Variants in ZFHX3 observed in about 807,000 individuals in gnomAD.
ZFHX3 encodes the protein zinc finger homeobox 3.
Under a neutral mutation model 279.1 loss-of-function variants are expected in ZFHX3, and 42 were observed. That is an observed-to-expected ratio of 0.15 (90% CI 0.12 to 0.19). The LOEUF (loss-of-function observed/expected upper bound fraction) is 0.19, where lower values mean the gene tolerates loss of function less well. Among genes scored for constraint, ZFHX3 ranks in the 10% least tolerant of loss-of-function variants. The pLI is 1.00. For missense variants in ZFHX3, 4,981 were observed against 4,754.0 expected (o/e 1.05, Z -1.40); for synonymous variants, 2,293 against 1,957.8 (o/e 1.17, Z -4.52).
intron 1 of ZFHX3, among the ~76,000 whole-genome samples, chr16:73,723,651 T>C (rs571052322): frequency 1.7e-3 from 259 of 152,366 alleles, no homozygotes; most frequent in African/African-American, 6.1e-3. Flanking sequence ...GTTTTTCTTG[T>C]ATTATTTTTG....
At chr16:73,493,235 T>A (rs1056046140) in intron 2 of ZFHX3, among the ~76,000 whole-genome samples, 2 of 152,264 alleles carry the variant, frequency 1.3e-5, no homozygotes, top group African/African-American at 4.8e-5. Context: ...CCTATCTGGT[T>A]CCCCTTTATC....
intron 1 of ZFHX3, among the ~76,000 whole-genome samples, chr16:73,727,080 G>A (rs1301859589): frequency 6.6e-6 from 1 of 152,202 alleles, no homozygotes; most frequent in Non-Finnish European, 1.5e-5. Flanking sequence ...AGGACTAGGG[G>A]CCTCCACAGG....
intron 3 of ZFHX3, among the ~76,000 whole-genome samples, chr16:72,915,900 A>G (rs1489941652): frequency 6.6e-6 from 1 of 152,258 alleles, no homozygotes; most frequent in African/African-American, 2.4e-5. Context: ...CGCCCATTCT[A>G]AGAATCACCC....
At chr16:73,573,523 C>G (rs111850239) in intron 2 of ZFHX3, among the ~76,000 whole-genome samples, 37 of 152,298 alleles carry the variant, frequency 2.4e-4, no homozygotes, top group African/African-American at 8.7e-4. Context: ...TGAAAGTGAT[C>G]AGTGATCTTA....
chr16:73,327,521 T>C (rs1364259607), intron 3 of ZFHX3, among the ~76,000 whole-genome samples: 5 of 152,250 alleles, frequency 3.3e-5, no homozygotes, highest in Admixed American at 6.5e-5. Flanking sequence ...CCTTCTCCTA[T>C]GATGCCCACT....
chr16:73,620,165 A>G (rs1010011236), intron 2 of ZFHX3, among the ~76,000 whole-genome samples: 1 of 152,224 alleles, frequency 6.6e-6, no homozygotes, highest in Non-Finnish European at 1.5e-5. Context: ...CAGAGCTACA[A>G]TTGCATTTGA....
chr16:73,240,187 G>A (rs534912334), intron 5 of ZFHX3, among the ~76,000 whole-genome samples: 1 of 152,022 alleles, frequency 6.6e-6, no homozygotes, highest in East Asian at 1.9e-4. Flanking sequence ...AGGACCACCA[G>A]ACGGTACTTT....
chr16:73,434,863 T>C (rs766078782), intron 3 of ZFHX3, among the ~76,000 whole-genome samples: 3 of 152,152 alleles, frequency 2.0e-5, no homozygotes, highest in Non-Finnish European at 2.9e-5. Flanking sequence ...CGCCGTCCAG[T>C]CAGTGGCCGG....
chr16:72,861,687 G>A (rs2143898536), intron 4 of ZFHX3, among the ~76,000 whole-genome samples: 1 of 152,266 alleles, frequency 6.6e-6, no homozygotes, highest in South Asian at 2.1e-4. Context: ...AGCCTAACCT[G>A]AAGGTCCACA....
chr16:73,093,869 A>G (rs1966122988), intron 7 of ZFHX3: 1 of 286,916 alleles, frequency 3.5e-6, no homozygotes, highest in African/African-American at 2.2e-5. Context: ...GGCTTAGAAA[A>G]ACAAGCTACT....
intron 2 of ZFHX3, among the ~76,000 whole-genome samples, chr16:73,457,119 C>T (rs2018385294): frequency 1.3e-5 from 2 of 152,234 alleles, no homozygotes; most frequent in African/African-American, 2.4e-5. Flanking sequence ...GAACCACTCT[C>T]TTCCCTTTCC....
rs563444304 is a variant in ZFHX3 at position 72,874,779 on chromosome 16, C to T, written c.3448+14952G>A. On this transcript the variant is annotated intron_variant, in intron 4 of 9. Transcript: ENST00000268489. ...AAAGTGCTGGCATTGCCGGCGTAAGCCACCACACCATGCCCTCCTAACTCA... is the reference window on the plus strand; with the variant it reads ...AAAGTGCTGGCATTGCCGGCGTAAGTCACCACACCATGCCCTCCTAACTCA... 5.0e-4 allele frequency among the ~76,000 whole-genome samples: 76 copies of T among 152,354 alleles called. 2 individuals are homozygous for T. The South Asian group carries it at 0.016, about 32-fold the overall frequency.
At chr16:73,673,593 A>T (rs200589857) in intron 2 of ZFHX3, among the ~76,000 whole-genome samples, 1 of 25,944 alleles carries the variant, frequency 3.9e-5, no homozygotes, top group Non-Finnish European at 1.3e-4. Context: ...ATGAGAAACT[A>T]GACTATTTTT....
chr16:73,044,783 G>A lies in ZFHX3; in HGVS notation c.-50+2969C>T, dbSNP rs539374376. ...GTTACAGGAATGCACCATCACACTC[G>A]GCTAATTTTGTATTTTTAGTAGAGA... is the stretch of plus-strand genomic sequence containing the variant. On this transcript the variant is annotated intron_variant, in intron 1 of 9. Transcript: ENST00000268489. 6.0e-4 allele frequency among the ~76,000 whole-genome samples: 92 copies of A among 152,152 alleles called. 1 individual carries two copies. The Middle Eastern group carries it at 0.031, about 51-fold the overall frequency.
At chr16:72,897,428 C>CTACA (rs1367456256) in intron 3 of ZFHX3, among the ~76,000 whole-genome samples, 1 of 152,094 alleles carries the variant, frequency 6.6e-6, no homozygotes, top group Non-Finnish European at 1.5e-5. Flanking sequence ...GGTGCGGCAT[C>CTACA]TACACACATA....
intron 1 of ZFHX3, among the ~76,000 whole-genome samples, chr16:73,725,906 G>T (rs2053514679): frequency 2.0e-5 from 3 of 152,084 alleles, no homozygotes; most frequent in Admixed American, 1.3e-4. Context: ...ACAGCATTAT[G>T]GGGAAAGGAG....
intron 1 of ZFHX3, among the ~76,000 whole-genome samples, chr16:72,987,044 C>T (rs753260019): frequency 2.6e-5 from 4 of 152,072 alleles, no homozygotes; most frequent in Admixed American, 6.6e-5. Flanking sequence ...CCCAGTTACT[C>T]GGGAGACTGA....
intron 2 of ZFHX3, among the ~76,000 whole-genome samples, chr16:73,617,833 A>C (rs2052320625): frequency 6.6e-6 from 1 of 152,190 alleles, no homozygotes; most frequent in Non-Finnish European, 1.5e-5. Context: ...TAGGAAAATG[A>C]CAACGCCTCC....
chr16:72,887,178 C>A (rs1205912285), intron 4 of ZFHX3, among the ~76,000 whole-genome samples: 3 of 152,126 alleles, frequency 2.0e-5, no homozygotes, highest in Non-Finnish European at 4.4e-5. Flanking sequence ...GTCAGATGAT[C>A]CAGAGAGGAG....
Sources: gnomAD v4.1 joint callset for allele counts (sites outside exome capture counted in the v4.1 genomes callset) on GRCh38, gnomAD v4.1.1 for gene constraint, MANE v1.5 for transcripts, NCBI Gene and HGNC (gene_info 2026-07-23, HGNC 2026-07-21) for gene names.